PRKD1: variants seen among roughly 807,000 people sequenced by gnomAD.
PRKD1 encodes the protein protein kinase D1.
Under a neutral mutation model 95.9 loss-of-function variants are expected in PRKD1, and 63 were observed. The ratio of observed to expected loss-of-function variants is 0.66; its 90% confidence interval spans 0.54 to 0.81. PRKD1 has a LOEUF of 0.81. Among genes scored for constraint, PRKD1 ranks in the 30% least tolerant of loss-of-function variants. The pLI, the probability that PRKD1 is intolerant of heterozygous loss-of-function variation, is 0.00. For synonymous variants in PRKD1, 425 were observed against 423.1 expected (o/e 1.00, Z -0.05); for missense variants, 1,048 against 1,165.3 (o/e 0.90, Z 1.47).
At chr14:29,816,242 A>C (rs891543883) in intron 1 of PRKD1, among the ~76,000 whole-genome samples, 1 of 152,154 alleles carries the variant, frequency 6.6e-6, no homozygotes, top group African/African-American at 2.4e-5. Context: ...TAAATAAATA[A>C]ATAACAGCTT....
chr14:29,758,696 A>G (rs1454173746), intron 1 of PRKD1, among the ~76,000 whole-genome samples: 3 of 152,174 alleles, frequency 2.0e-5, no homozygotes, highest in Non-Finnish European at 2.9e-5. Flanking sequence ...TTCAACCATT[A>G]TTTTTAAATT....
intron 1 of PRKD1, among the ~76,000 whole-genome samples, chr14:29,778,095 A>G (rs536547812): frequency 3.3e-5 from 5 of 152,346 alleles, no homozygotes; most frequent in East Asian, 1.9e-4. Flanking sequence ...TTTGAAACCA[A>G]TGAGAACAAA....
chr14:29,872,034 C>G (rs535295707), intron 1 of PRKD1, among the ~76,000 whole-genome samples: 1 of 152,324 alleles, frequency 6.6e-6, no homozygotes, highest in South Asian at 2.1e-4. Context: ...AATACAGCAG[C>G]AGCTGGGTTC....
chr14:29,719,286 A>G (rs1385551341), intron 2 of PRKD1, among the ~76,000 whole-genome samples: 1 of 152,170 alleles, frequency 6.6e-6, no homozygotes, highest in Non-Finnish European at 1.5e-5. Flanking sequence ...ACTATAGAGA[A>G]GAACCTTCAG....
intron 1 of PRKD1, among the ~76,000 whole-genome samples, chr14:29,906,112 G>C (rs1051023248): frequency 6.6e-6 from 1 of 150,706 alleles, no homozygotes; most frequent in Non-Finnish European, 1.5e-5. Flanking sequence ...CAGAAAATAA[G>C]ACAATAAACA....
chr14:29,716,599 T>C (rs933542018), intron 2 of PRKD1, among the ~76,000 whole-genome samples: 1 of 152,068 alleles, frequency 6.6e-6, no homozygotes, highest in Non-Finnish European at 1.5e-5. Flanking sequence ...AACGAAGATA[T>C]GAAACACAGA....
At chr14:29,768,348 G>A (rs148434622) in intron 1 of PRKD1, among the ~76,000 whole-genome samples, 10 of 152,254 alleles carry the variant, frequency 6.6e-5, no homozygotes, top group African/African-American at 2.4e-4. Context: ...AGCATGATTT[G>A]TTCTTGCATT....
chr14:29,875,783 T>C (rs1383479586), intron 1 of PRKD1, among the ~76,000 whole-genome samples: 2 of 152,218 alleles, frequency 1.3e-5, no homozygotes, highest in Non-Finnish European at 2.9e-5. Context: ...GTAAAAATAA[T>C]AACTAGTTAT....
At chr14:29,622,779 T>G (rs1446724482) in intron 13 of PRKD1, among the ~76,000 whole-genome samples, 1 of 152,176 alleles carries the variant, frequency 6.6e-6, no homozygotes, top group Non-Finnish European at 1.5e-5. Flanking sequence ...TTAAAAGGCC[T>G]AGACACAGAA....
chr14:29,927,467 C>G lies in PRKD1; in HGVS notation c.46G>C (p.Val16Leu), dbSNP rs1410593104. Residue 16 changes from valine to leucine, a missense_variant, in exon 1 of 18, where the codon GTG (valine) becomes CTG (leucine). Around this residue, in one of 3 missense-constraint regions of PRKD1, gnomAD observed 34 missense variants for 54.8 expected, o/e 0.62. Transcript: ENST00000331968. The stretch of plus-strand genomic sequence containing the variant: ...GCCGCTGCGGCAGCTGCCGCCGCCA[C>G]GGGCAGCAGCGGACTGGGCGGCCGC... ...VLRPPSPLLP[V>L]AAAAAAAAAA... 7.8e-7 allele frequency: 1 copy of G among 1,279,450 alleles called. No homozygotes were observed. The highest frequency in any genetic ancestry group is 2.8e-4 in the Middle Eastern group (1 of 3,540). The allele number at this position is 1,279,450 out of a possible 1,614,324, so 79.3% of individuals were successfully genotyped here.
intron 1 of PRKD1, among the ~76,000 whole-genome samples, chr14:29,822,725 T>C (rs1890963468): frequency 1.3e-5 from 2 of 151,996 alleles, no homozygotes; most frequent in Admixed American, 1.3e-4. Context: ...TCCTGGGTTT[T>C]GTTCATGCAT....
At chr14:29,883,231 G>A (rs528620572) in intron 1 of PRKD1, among the ~76,000 whole-genome samples, 5 of 152,156 alleles carry the variant, frequency 3.3e-5, no homozygotes, top group South Asian at 2.1e-4. Flanking sequence ...CTCCACCCCC[G>A]TGGCCCAAAC....
chr14:29,879,401 C>A (rs1893422803), intron 1 of PRKD1, among the ~76,000 whole-genome samples: 1 of 152,204 alleles, frequency 6.6e-6, no homozygotes, highest in African/African-American at 2.4e-5. Context: ...ACGTTTGCTT[C>A]TTCCTCGTTT....
chr14:29,813,135 T>C (rs1182480442), intron 1 of PRKD1, among the ~76,000 whole-genome samples: 1 of 152,034 alleles, frequency 6.6e-6, no homozygotes, highest in East Asian at 1.9e-4. Context: ...AAAAGACTTC[T>C]CTCATCTATT....
intron 1 of PRKD1, among the ~76,000 whole-genome samples, chr14:29,761,915 G>C (rs1221839994): frequency 6.6e-6 from 1 of 151,484 alleles, no homozygotes; most frequent in African/African-American, 2.4e-5. Flanking sequence ...CCAAGTAGCT[G>C]GTATTATGCC....
chr14:29,678,492 C>G lies in PRKD1; in HGVS notation c.404-12284G>C, dbSNP rs1001103293. ...TTTTTAAATTGTATGCATTCTGAAA[C>G]AGTTTCTGCTTGTGTTTGACAGAAA... is the stretch of plus-strand genomic sequence containing the variant. On this transcript the variant is annotated intron_variant, in intron 2 of 17. Transcript: ENST00000331968. Among the ~76,000 whole-genome samples, 12 of 152,130 alleles carry G rather than the reference C, an allele frequency of 7.9e-5. No individual in the cohort carries two copies. The South Asian group carries it at 2.3e-3, about 29-fold the overall frequency.
At chr14:29,700,975 T>TGC (rs750081427) in intron 2 of PRKD1, among the ~76,000 whole-genome samples, 1,295 of 62,924 alleles carry the variant, frequency 0.021, 12 homozygotes, top group Non-Finnish European at 0.034. Context: ...CGCGTGCGCA[T>TGC]GCGCGCGCGC....
intron 1 of PRKD1, among the ~76,000 whole-genome samples, chr14:29,817,721 C>T (rs1226717459): frequency 6.6e-6 from 1 of 152,158 alleles, no homozygotes; most frequent in East Asian, 1.9e-4. Context: ...AGCAGCAAGA[C>T]TCCAGAGTCA....
At chr14:29,742,774 T>C (rs1305206467) in intron 1 of PRKD1, among the ~76,000 whole-genome samples, 1 of 152,216 alleles carries the variant, frequency 6.6e-6, no homozygotes, top group African/African-American at 2.4e-5. Context: ...TATGCTAATA[T>C]GAAATAACTT....
Sources: allele counts gnomAD v4.1 joint callset (sites outside exome capture counted in the v4.1 genomes callset), GRCh38; gene constraint gnomAD v4.1.1; regional missense constraint gnomAD v4.1.1; transcripts MANE v1.5; gene names NCBI Gene and HGNC (gene_info 2026-07-23, HGNC 2026-07-21).